ELL2: variants seen among roughly 807,000 people sequenced by gnomAD.
ELL2 encodes the protein elongation factor for RNA polymerase II 2.
ELL2 carries 21 observed loss-of-function variants against 72.8 expected under a neutral mutation model. That is an observed-to-expected ratio of 0.29 (90% CI 0.20 to 0.42). The LOEUF (loss-of-function observed/expected upper bound fraction) is 0.42. Among genes scored for constraint, ELL2 ranks in the 10% least tolerant of loss-of-function variants. The probability of loss-of-function intolerance (pLI) is 1.00; values close to 1 mark genes in which losing one functional copy is unlikely to be tolerated. For missense variants in ELL2, 568 were observed against 772.8 expected, an observed-to-expected ratio of 0.73 and a Z score of 3.14; for synonymous variants, 266 against 283.2, an observed-to-expected ratio of 0.94 and a Z score of 0.61.
intron 1 of ELL2, among the ~76,000 whole-genome samples, chr5:95,949,115 T>C (rs1321956981): frequency 6.6e-6 from 1 of 152,218 alleles, no homozygotes; most frequent in Non-Finnish European, 1.5e-5. Flanking sequence ...AAGAGATCTA[T>C]GTACACTTAT....
rs1748430406 is a variant in ELL2 at position 95,885,402 on chromosome 5, A to T, written c.*3469T>A. 1 of 152,254 alleles carries T rather than the reference A, an allele frequency of 6.6e-6. No individual in the cohort carries two copies. Among genetic ancestry groups the T allele is most frequent in the South Asian group, 2.1e-4 (1 of 4,836 alleles). The allele number at this position is 152,254 out of a possible 1,614,324, so 9.4% of individuals were successfully genotyped here. A position where few individuals can be genotyped will look rare whatever the true frequency, so the allele number is the denominator to read the frequency against. ...AAACTTTCCTCTCAAAGTGCTGGCTATAATTTTTTCTCCATCCAGTACACA... is the reference window on the plus strand; with the variant it reads ...AAACTTTCCTCTCAAAGTGCTGGCTTTAATTTTTTCTCCATCCAGTACACA... On this transcript the variant is annotated 3_prime_UTR_variant, in exon 12 of 12. Transcript: ENST00000237853.
rs1269917406 is a variant in ELL2, at chr5:95,887,877, T to G, written c.*994A>C. On this transcript the variant is annotated 3_prime_UTR_variant, in exon 12 of 12. Transcript: ENST00000237853. ...CCAAAACTATAGATCTGTTTCATTT[T>G]CATGACATATCAATTTTTGCCCAAC... The G allele has an allele frequency of 2.6e-5, 4 of 152,478 alleles. No individual in the cohort carries two copies. The highest frequency in any genetic ancestry group is 1.5e-5 in the Non-Finnish European group (1 of 68,040). 9.4% of individuals were successfully genotyped at this position (152,478 alleles called of 1,614,324 possible). A position where few individuals can be genotyped will look rare whatever the true frequency, so the allele number is the denominator to read the frequency against.
rs551849762 is a variant in ELL2, at chr5:95,907,083, T to C, written c.482-301A>G. ...GTAACACAAACTGTAACAACAGACT[T>C]GATAACTTATATCTTAAATAAATAT... On this transcript the variant is annotated intron_variant, in intron 4 of 11. Coordinates refer to ENST00000237853, the MANE Select transcript of ELL2 (RefSeq NM_012081.6). 3.9e-5 allele frequency among the ~76,000 whole-genome samples: 6 copies of C among 152,184 alleles called. No individual in the cohort carries two copies. In the East Asian group the frequency reaches 9.6e-4, roughly 24 times the overall value.
chr5:95,932,199 T>C (rs1313034969), intron 2 of ELL2, among the ~76,000 whole-genome samples: 1 of 152,136 alleles, frequency 6.6e-6, no homozygotes, highest in Non-Finnish European at 1.5e-5. Context: ...TATTTCTAAT[T>C]TCACATGTAT....
At chr5:95,898,159 C>G (rs1748947110) in intron 8 of ELL2, 81 bp downstream of exon 8, 2 of 1,157,966 alleles carry the variant, frequency 1.7e-6, no homozygotes, top group Non-Finnish European at 2.4e-6. Flanking sequence ...ACGTCATTTG[C>G]TAAAGAAATT....
intron 9 of ELL2, among the ~76,000 whole-genome samples, chr5:95,892,668 G>A (rs1748710615): frequency 6.6e-6 from 1 of 152,156 alleles, no homozygotes; most frequent in South Asian, 2.1e-4. Context: ...AAATCTTGGA[G>A]TTCAGTCCTC....
chr5:95,932,544 G>A (rs895187360), intron 2 of ELL2: 8 of 152,088 alleles, frequency 5.3e-5, no homozygotes, highest in Non-Finnish European at 8.8e-5. Context: ...ATTCTGCTAG[G>A]AGGTAGAACC....
At chr5:95,898,955 T>A in intron 7 of ELL2, 145 bp from the exon 8 acceptor site, 2 of 551,794 alleles carry the variant, frequency 3.6e-6, no homozygotes, top group Non-Finnish European at 5.5e-6. Context: ...TCTTCATGCT[T>A]AAGCAAAAAA....
At chr5:95,890,668 C>G (rs1748626713) in intron 10 of ELL2, among the ~76,000 whole-genome samples, 1 of 152,186 alleles carries the variant, frequency 6.6e-6, no homozygotes, top group African/African-American at 2.4e-5. Context: ...GTATTAAGCC[C>G]TCTTTATTTC....
chr5:95,919,125 A>T (rs1034875631), intron 3 of ELL2, among the ~76,000 whole-genome samples: 4 of 152,186 alleles, frequency 2.6e-5, no homozygotes, highest in African/African-American at 9.7e-5. Flanking sequence ...TTTCTAAAAA[A>T]AATCCTCAAA....
At chr5:95,958,256 C>G (rs534579110) in intron 1 of ELL2, among the ~76,000 whole-genome samples, 21 of 152,312 alleles carry the variant, frequency 1.4e-4, no homozygotes, top group Middle Eastern at 3.4e-3. Context: ...TCCCAAACAG[C>G]AGCTTCAATT....
intron 1 of ELL2, among the ~76,000 whole-genome samples, chr5:95,956,367 A>G (rs370289715): frequency 6.6e-6 from 1 of 152,224 alleles, no homozygotes; most frequent in Non-Finnish European, 1.5e-5. Context: ...TCAAGCACAG[A>G]CTGAAAATGG....
intron 2 of ELL2, among the ~76,000 whole-genome samples, chr5:95,926,958 T>C (rs1433514862): frequency 2.0e-5 from 3 of 152,220 alleles, no homozygotes; most frequent in Non-Finnish European, 2.9e-5. Flanking sequence ...TTTTTGGCTC[T>C]CTTAATATGG....
chr5:95,904,222 T>C (rs1005986408), intron 5 of ELL2, among the ~76,000 whole-genome samples: 1 of 152,220 alleles, frequency 6.6e-6, no homozygotes, highest in African/African-American at 2.4e-5. Context: ...GCAGGGTTTC[T>C]ATTGGGGTTA....
chr5:95,908,238 G>T (rs1259544378), intron 4 of ELL2, among the ~76,000 whole-genome samples: 4 of 152,186 alleles, frequency 2.6e-5, no homozygotes, highest in Non-Finnish European at 4.4e-5. Flanking sequence ...GGGACACTGT[G>T]CTAAGAGCTG....
intron 2 of ELL2, among the ~76,000 whole-genome samples, chr5:95,941,505 A>G (rs1750967859): frequency 6.6e-6 from 1 of 152,160 alleles, no homozygotes; most frequent in Non-Finnish European, 1.5e-5. Flanking sequence ...GTCAGAATGG[A>G]GAGTTTGGAA....
chr5:95,901,281 TG>T, intron 5 of ELL2: 1 of 445,118 alleles, frequency 2.2e-6, no homozygotes, highest in East Asian at 3.9e-5. Flanking sequence ...CACAGCTAAA[TG>T]TTTTTTTCCC....
rs774774889 is a variant in ELL2, at chr5:95,913,768, A to G, written c.481+3T>C. 23 of 1,600,308 alleles carry G rather than the reference A, an allele frequency of 1.4e-5. No homozygotes were observed. Among genetic ancestry groups the G allele is most frequent in the Non-Finnish European group, 1.9e-5 (22 of 1,174,446 alleles). On this transcript the variant is annotated splice_donor_region_variant and intron_variant, in intron 4 of 11. Coordinates refer to ENST00000237853, the MANE Select transcript of ELL2 (RefSeq NM_012081.6). ...CAAGAGGAAGAAAGATATCTATACA[A>G]ACCTACATATGGTCCACCGGGTTTG...
intron 4 of ELL2, among the ~76,000 whole-genome samples, chr5:95,909,713 G>C (rs1029934212): frequency 3.3e-5 from 5 of 152,172 alleles, no homozygotes; most frequent in Non-Finnish European, 7.3e-5. Flanking sequence ...AGCAGCAGTG[G>C]GTCCGACAGG....
Sources: allele counts gnomAD v4.1 joint callset (sites outside exome capture counted in the v4.1 genomes callset), GRCh38; gene constraint gnomAD v4.1.1; transcripts MANE v1.5; gene names NCBI Gene and HGNC (gene_info 2026-07-23, HGNC 2026-07-21).